PRSS55: variants seen among roughly 807,000 people sequenced by gnomAD.
PRSS55 encodes the protein serine protease 55.
A neutral mutation model predicts 23.6 loss-of-function variants in PRSS55; 41 were observed. That is an observed-to-expected ratio of 1.74 (90% CI 1.35 to 2.26). The LOEUF (loss-of-function observed/expected upper bound fraction) is 2.26. PRSS55 is among the 30% of genes most tolerant of loss of function. The pLI is 0.00. For missense variants in PRSS55, 669 were observed against 439.1 expected (o/e 1.52, Z -4.68); for synonymous variants, 262 against 175.5 (o/e 1.49, Z -3.90).
At chr8:10,553,901 A>C in intron 4 of PRSS55, 1 of 1,346,668 alleles carries the variant, frequency 7.4e-7, no homozygotes, top group Non-Finnish European at 1.0e-6. Context: ...CAATAAATAC[A>C]TAAAATTTTT....
intron 1 of PRSS55, among the ~76,000 whole-genome samples, chr8:10,526,573 A>G (rs2117002079): frequency 6.6e-6 from 1 of 152,344 alleles, no homozygotes; most frequent in East Asian, 1.9e-4. Flanking sequence ...ATCACTTAGA[A>G]GCAGCCGTTT....
At position 10,538,550 on chromosome 8, in the gene PRSS55, G is replaced by C. The variant is rs1812537842; in HGVS notation, c.816G>C (p.Trp272Cys). 6.2e-7 allele frequency: 1 copy of C among 1,614,122 alleles called. No individual in the cohort carries two copies. The highest frequency in any genetic ancestry group is 8.5e-7 in the Non-Finnish European group (1 of 1,179,990). ...EKWYQVGIISWGKSCGEKNTP... is the reference protein window; with the variant it reads ...EKWYQVGIISCGKSCGEKNTP... ...GGTACCAGGTGGGCATCATAAGCTG[G>C]GGAAAGAGCTGTGGAGAGAAGAACA... The change falls in exon 5 of 5, where the codon TGG (tryptophan) becomes TGC (cysteine). Residue 272 changes from tryptophan to cysteine, a missense_variant. By Grantham distance (215) the Trp-to-Cys change is radical. Coordinates refer to ENST00000328655, the MANE Select transcript of PRSS55 (RefSeq NM_198464.4).
intron 4 of PRSS55, among the ~76,000 whole-genome samples, chr8:10,533,760 T>A (rs1292576735): frequency 6.6e-6 from 1 of 152,198 alleles, no homozygotes; most frequent in African/African-American, 2.4e-5. Flanking sequence ...GACCTGCTCA[T>A]TGGCCAGGCA....
At chr8:10,553,979 G>A (rs546570181) in exon 5 of PRSS55, 67 of 1,530,186 alleles carry the variant, frequency 4.4e-5, no homozygotes, top group South Asian at 3.2e-4. Context: ...AATGAACACC[G>A]GAAGCTCTCA....
At chr8:10,539,084 C>T (rs1408756238), downstream of PRSS55, among the ~76,000 whole-genome samples, 1 of 151,354 alleles carries the variant, frequency 6.6e-6, no homozygotes, top group Non-Finnish European at 1.5e-5. Context: ...AACAAATATC[C>T]AGGGCTGGCA....
chr8:10,550,013 A>C (rs1394668778), intron 4 of PRSS55, among the ~76,000 whole-genome samples: 1 of 152,110 alleles, frequency 6.6e-6, no homozygotes, highest in Non-Finnish European at 1.5e-5. Context: ...TCCGCCTCCC[A>C]GGTTCCATCG....
At chr8:10,549,258 G>A (rs566361039) in intron 4 of PRSS55, among the ~76,000 whole-genome samples, 3 of 152,316 alleles carry the variant, frequency 2.0e-5, no homozygotes, top group African/African-American at 4.8e-5. Context: ...CCATGGCCGC[G>A]GAGAGCCACT....
intron 3 of PRSS55, among the ~76,000 whole-genome samples, chr8:10,532,244 T>C (rs752097794): frequency 2.0e-5 from 3 of 152,050 alleles, no homozygotes; most frequent in Non-Finnish European, 4.4e-5. Context: ...GGGACCTTAG[T>C]TCTGGGCTCC....
At chr8:10,526,100 T>C (rs1356042613) in intron 1 of PRSS55, among the ~76,000 whole-genome samples, 1 of 152,032 alleles carries the variant, frequency 6.6e-6, no homozygotes, top group Non-Finnish European at 1.5e-5. Flanking sequence ...GATGCCTAGC[T>C]CAGTCAGGCC....
chr8:10,551,361 C>T (rs1162512176), intron 4 of PRSS55, among the ~76,000 whole-genome samples: 1 of 152,196 alleles, frequency 6.6e-6, no homozygotes, highest in Non-Finnish European at 1.5e-5. Flanking sequence ...GTTATTGAAT[C>T]AGAATAAGTG....
intron 4 of PRSS55, 115 bp from the exon 5 acceptor site, chr8:10,538,361 G>C: frequency 2.6e-6 from 2 of 777,406 alleles, no homozygotes; most frequent in Middle Eastern, 3.8e-4. Flanking sequence ...GGGATGGGGT[G>C]GGTTGGCAGC....
chr8:10,529,414 G>A (rs760710831), intron 1 of PRSS55, 93 bp from the exon 2 acceptor site: 1 of 1,283,152 alleles, frequency 7.8e-7, no homozygotes, highest in Non-Finnish European at 1.1e-6. Context: ...ATATCCACTT[G>A]GAAGCCTGCT....
At chr8:10,543,249 C>T (rs1812710747), downstream of PRSS55, among the ~76,000 whole-genome samples, 5 of 152,098 alleles carry the variant, frequency 3.3e-5, no homozygotes, top group Admixed American at 3.3e-4. Context: ...TCTGCTAGGA[C>T]TGACCCTTGG....
At position 10,547,194 on chromosome 8, in the gene PRSS55, T is replaced by C. The variant is rs1394640948; in HGVS notation, c.742-6749T>C. 5.3e-5 allele frequency among the ~76,000 whole-genome samples: 8 copies of C among 152,292 alleles called. No homozygotes were observed. In the East Asian group the frequency reaches 1.4e-3, roughly 26 times the overall value. On this transcript the variant is annotated intron_variant, in intron 4 of 4. Transcript: ENST00000522210. Reference sequence around the variant, plus strand: ...ACCCTTGTCACTCGACAACCTCTCTTGCAACACTCTTTCCAGAGTGAGCCG... The same window carrying C: ...ACCCTTGTCACTCGACAACCTCTCTCGCAACACTCTTTCCAGAGTGAGCCG...
chr8:10,531,721 C>T (rs1563538120), intron 3 of PRSS55, 176 bp downstream of exon 3: 3 of 802,640 alleles, frequency 3.7e-6, no homozygotes, highest in East Asian at 5.4e-5. Context: ...AGGTGAGACA[C>T]CAGGTCTGAG....
downstream of PRSS55, among the ~76,000 whole-genome samples, chr8:10,539,835 C>T (rs1812594725): frequency 2.0e-5 from 3 of 152,204 alleles, no homozygotes; most frequent in Admixed American, 2.0e-4. Context: ...GTCTCAGGTA[C>T]GTCTTTATCA....
chr8:10,534,796 T>C (rs75326787), intron 4 of PRSS55, among the ~76,000 whole-genome samples: 4 of 152,214 alleles, frequency 2.6e-5, no homozygotes, highest in East Asian at 3.9e-4. Flanking sequence ...GCAAATGATA[T>C]GGTTCTATAC....
intron 2 of PRSS55, among the ~76,000 whole-genome samples, chr8:10,530,527 C>T (rs185124179): frequency 6.6e-6 from 1 of 152,230 alleles, no homozygotes; most frequent in East Asian, 1.9e-4. Context: ...CACACAGTGA[C>T]CCCTGAAGCA....
At chr8:10,533,149 C>A in intron 4 of PRSS55, 101 bp downstream of exon 4, 1 of 1,299,486 alleles carries the variant, frequency 7.7e-7, no homozygotes, top group South Asian at 1.4e-5. Flanking sequence ...AATTCTGAGT[C>A]TGGAAAATGT....
Sources: gnomAD v4.1 joint callset for allele counts (sites outside exome capture counted in the v4.1 genomes callset) on GRCh38, gnomAD v4.1.1 for gene constraint, MANE v1.5 for transcripts, NCBI Gene and HGNC (gene_info 2026-07-23, HGNC 2026-07-21) for gene names.